PARVA: variants seen among roughly 807,000 people sequenced by gnomAD.
The protein encoded by PARVA is parvin alpha, also known as alpha-parvin.
A neutral mutation model predicts 52.6 loss-of-function variants in PARVA; 25 were observed. That is an observed-to-expected ratio of 0.48 (90% confidence interval 0.35 to 0.66). The LOEUF (loss-of-function observed/expected upper bound fraction) is 0.66, where lower values mean the gene tolerates loss of function less well. Ranked by LOEUF, PARVA falls within the 30% of genes least tolerant of loss-of-function variation. The pLI, the probability that PARVA is intolerant of heterozygous loss-of-function variation, is 0.01. For missense variants in PARVA, 373 were observed against 450.9 expected (o/e 0.83, Z 1.56); for synonymous variants, 185 against 179.1 (o/e 1.03, Z -0.26).
At position 12,529,885 on chromosome 11, in the gene PARVA, T is replaced by A. The variant is rs1325790624; in HGVS notation, c.*1960T>A. 1 of 152,260 alleles carries A rather than the reference T, an allele frequency of 6.6e-6. No homozygotes were observed. Among genetic ancestry groups the A allele is most frequent in the Admixed American group, 6.5e-5 (1 of 15,290 alleles). The allele number at this position is 152,260 out of a possible 1,614,324, so 9.4% of individuals were successfully genotyped here. A position where few individuals can be genotyped will look rare whatever the true frequency, so the allele number is the denominator to read the frequency against. On this transcript the variant is annotated 3_prime_UTR_variant, in exon 13 of 13. Coordinates refer to ENST00000334956, the MANE Select transcript of PARVA (RefSeq NM_018222.5). ...ACATAATTAGTGAAATTTTATTTTTTATTAGGAAACACTAAATAGTGTAAT... is the reference window on the plus strand; with the variant it reads ...ACATAATTAGTGAAATTTTATTTTTAATTAGGAAACACTAAATAGTGTAAT...
At chr11:12,500,722 C>T (rs763191262) in intron 5 of PARVA, among the ~76,000 whole-genome samples, 4 of 150,954 alleles carry the variant, frequency 2.6e-5, no homozygotes, top group Admixed American at 6.6e-5. Flanking sequence ...ACCCAGGAGG[C>T]GGAGCTTGCA....
chr11:12,504,299 C>G lies in PARVA; in HGVS notation c.542-15C>G. 1.8e-5 allele frequency: 26 copies of G among 1,479,408 alleles called. No individual in the cohort carries two copies. Among genetic ancestry groups the G allele is most frequent in the Middle Eastern group, 1.7e-4 (1 of 5,812 alleles). 91.6% of individuals were successfully genotyped at this position (1,479,408 alleles called of 1,614,324 possible). ...GAAGAAGATGCTGTAATTTTTCAAT[C>G]TTCTTTCATTTCAGCTGTTCATGCC... On this transcript the variant is annotated splice_polypyrimidine_tract_variant and intron_variant, in intron 5 of 12. Coordinates refer to ENST00000334956, the MANE Select transcript of PARVA (RefSeq NM_018222.5).
At position 12,535,110 on chromosome 11, in the gene PARVA, A is replaced by C. The variant is rs1941818542; in HGVS notation, c.*7185A>C. Among the ~76,000 whole-genome samples, 1 of 152,118 alleles carries C rather than the reference A, an allele frequency of 6.6e-6. No homozygotes were observed. Among genetic ancestry groups the C allele is most frequent in the Non-Finnish European group, 1.5e-5 (1 of 68,032 alleles). On this transcript the variant is annotated 3_prime_UTR_variant, in exon 13 of 13. Transcript: ENST00000334956. Reference sequence around the variant, plus strand: ...GGGTGCATTCTCTGTGCCTCTCCTGAGTCTACTTTCTGCATCATTGGTTCT... The same window carrying C: ...GGGTGCATTCTCTGTGCCTCTCCTGCGTCTACTTTCTGCATCATTGGTTCT...
intron 1 of PARVA, among the ~76,000 whole-genome samples, chr11:12,378,771 C>T (rs1466174700): frequency 1.3e-5 from 2 of 152,056 alleles, no homozygotes; most frequent in African/African-American, 4.8e-5. Flanking sequence ...GCATGATGTA[C>T]ATAGTTCTGG....
At chr11:12,493,091 C>T (rs1196283892) in intron 4 of PARVA, among the ~76,000 whole-genome samples, 2 of 152,090 alleles carry the variant, frequency 1.3e-5, no homozygotes, top group African/African-American at 2.4e-5. Context: ...TGTGGTGGCT[C>T]ATGCCTGTAA....
chr11:12,511,357 A>G (rs1025991458), intron 7 of PARVA, among the ~76,000 whole-genome samples, 157 bp from the exon 8 acceptor site: 2 of 152,284 alleles, frequency 1.3e-5, no homozygotes, highest in Admixed American at 1.3e-4. Flanking sequence ...TAAAATGCCA[A>G]TGGAAGGAGG....
chr11:12,426,279 C>T (rs1940233906), intron 1 of PARVA, among the ~76,000 whole-genome samples: 1 of 152,122 alleles, frequency 6.6e-6, no homozygotes, highest in African/African-American at 2.4e-5. Context: ...CCATGTGAAG[C>T]TGGGTGAAGA....
intron 1 of PARVA, among the ~76,000 whole-genome samples, chr11:12,406,969 C>T (rs1228854976): frequency 6.6e-6 from 1 of 152,034 alleles, no homozygotes; most frequent in East Asian, 1.9e-4. Flanking sequence ...CGTGCCTGGC[C>T]TGTATCTGGT....
At chr11:12,396,073 C>T (rs1939740055) in intron 1 of PARVA, among the ~76,000 whole-genome samples, 1 of 152,170 alleles carries the variant, frequency 6.6e-6, no homozygotes, top group African/African-American at 2.4e-5. Context: ...TATTATATCA[C>T]ATTTAATCCT....
In PARVA at chr11:12,441,107, G is replaced by A. The variant is rs116466385; in HGVS notation, c.137-32638G>A. On this transcript the variant is annotated intron_variant, in intron 1 of 12. Transcript: ENST00000334956. Reference sequence around the variant, plus strand: ...TTTAATTAATTAGCTTAGGGGAGGGGGATTCTGTTTCTTACAACTAAAGAG... The same window carrying A: ...TTTAATTAATTAGCTTAGGGGAGGGAGATTCTGTTTCTTACAACTAAAGAG... Among the ~76,000 whole-genome samples the A allele has an allele frequency of 7.0e-3, 1,068 of 152,258 alleles. 9 individuals carry two copies. Among genetic ancestry groups the A allele is most frequent in the Middle Eastern group, 0.031 (9 of 292 alleles).
At chr11:12,469,292 C>T (rs1940898347) in intron 1 of PARVA, among the ~76,000 whole-genome samples, 1 of 151,680 alleles carries the variant, frequency 6.6e-6, no homozygotes, top group African/African-American at 2.4e-5. Context: ...ACAAAAGCCC[C>T]TTTTCTCACG....
At chr11:12,418,136 C>T (rs182876656) in intron 1 of PARVA, among the ~76,000 whole-genome samples, 7 of 145,206 alleles carry the variant, frequency 4.8e-5, no homozygotes, top group Admixed American at 3.4e-4. Flanking sequence ...TGCCACATTT[C>T]AGAAATTTTC....
chr11:12,449,151 TTTTTA>T (rs1383330390), intron 1 of PARVA, among the ~76,000 whole-genome samples: 2 of 151,804 alleles, frequency 1.3e-5, no homozygotes, highest in East Asian at 1.9e-4. Context: ...TATTTATTTA[TTTTTA>T]TTTTATTTTA....
intron 12 of PARVA, among the ~76,000 whole-genome samples, chr11:12,524,413 T>G (rs959906785): frequency 1.3e-5 from 2 of 152,144 alleles, no homozygotes; most frequent in Non-Finnish European, 2.9e-5. Flanking sequence ...TAAAACATTC[T>G]CCCATATTGG....
At chr11:12,420,513 A>C (rs1444548601) in intron 1 of PARVA, among the ~76,000 whole-genome samples, 1 of 152,260 alleles carries the variant, frequency 6.6e-6, no homozygotes, top group Non-Finnish European at 1.5e-5. Context: ...TGGAGCAGAC[A>C]CATGGAAAAT....
At chr11:12,399,515 T>G (rs1939795870) in intron 1 of PARVA, among the ~76,000 whole-genome samples, 1 of 152,256 alleles carries the variant, frequency 6.6e-6, no homozygotes. Context: ...AATTGCTAAA[T>G]ATTTCTAAAT....
intron 1 of PARVA, among the ~76,000 whole-genome samples, chr11:12,407,743 G>A (rs1044842889): frequency 2.6e-5 from 4 of 152,198 alleles, no homozygotes; most frequent in Admixed American, 2.0e-4. Context: ...CTCTCAGAGT[G>A]TACATGGCTC....
rs1941726926 is a variant in PARVA, at chr11:12,528,164, T to C, written c.*239T>C. 7 of 507,610 alleles carry C rather than the reference T, an allele frequency of 1.4e-5. No homozygotes were observed. Among genetic ancestry groups the C allele is most frequent in the Non-Finnish European group, 2.5e-5 (7 of 283,876 alleles). 31.4% of individuals were successfully genotyped at this position (507,610 alleles called of 1,614,324 possible). On this transcript the variant is annotated 3_prime_UTR_variant, in exon 13 of 13. Coordinates refer to ENST00000334956, the MANE Select transcript of PARVA (RefSeq NM_018222.5). ...CTAGCAATGAAGGTTGGGAAGGTTG[T>C]TCCCTTCCCGGTGCCAGGTCCAGAT...
chr11:12,501,299 CAT>C (rs985123103), intron 5 of PARVA, among the ~76,000 whole-genome samples: 142 of 151,906 alleles, frequency 9.3e-4, no homozygotes, highest in African/African-American at 3.1e-3. Context: ...CACATATACA[CAT>C]GTGTATATAG....
Sources: gnomAD v4.1 joint callset for allele counts (sites outside exome capture counted in the v4.1 genomes callset) on GRCh38, gnomAD v4.1.1 for gene constraint, MANE v1.5 for transcripts, NCBI Gene and HGNC (gene_info 2026-07-23, HGNC 2026-07-21) for gene names.